Variants in ATP1A4 observed in about 807,000 individuals in gnomAD.
The protein encoded by ATP1A4 is sodium/potassium-transporting ATPase subunit alpha-4.
In ATP1A4, 90 loss-of-function variants were observed where a neutral mutation model predicts 114.3. The ratio of observed to expected loss-of-function variants is 0.79; its 90% CI spans 0.66 to 0.94. The LOEUF is 0.94. Ranked by LOEUF, ATP1A4 falls within the 40% of genes least tolerant of loss-of-function variation. ATP1A4 has a pLI of 0.00. For synonymous variants in ATP1A4, 511 were observed against 494.1 expected, an observed-to-expected ratio of 1.03 and a Z score of -0.45; for missense variants, 1,222 against 1,313.6, an observed-to-expected ratio of 0.93 and a Z score of 1.08.
chr1:160,186,409 GC>G, intron 21 of ATP1A4, 42 bp downstream of exon 21: 1 of 1,465,424 alleles, frequency 6.8e-7, no homozygotes. Flanking sequence ...GTGGTCACCA[GC>G]CCCCTCACTA....
chr1:160,180,903 A>G (rs1307726943), intron 18 of ATP1A4, among the ~76,000 whole-genome samples: 2 of 151,144 alleles, frequency 1.3e-5, no homozygotes, highest in East Asian at 1.9e-4. Flanking sequence ...TTTAGTAGAG[A>G]CGGGGTTTCA....
At chr1:160,167,166 T>C (rs1653070832) in intron 9 of ATP1A4, 89 bp downstream of exon 9, 2 of 1,565,204 alleles carry the variant, frequency 1.3e-6, no homozygotes, top group East Asian at 2.3e-5. Flanking sequence ...CTCAGTAATT[T>C]CCCCCCAGGT....
rs1008320527 is a variant in ATP1A4 at position 160,166,781 on chromosome 1, T to G, written c.1246+55T>G. On this transcript the variant is annotated intron_variant, in intron 8 of 21. Coordinates refer to ENST00000368081, the MANE Select transcript of ATP1A4 (RefSeq NM_144699.4). The stretch of plus-strand genomic sequence containing the variant: ...GGAGGGATTTGGGGGATGTGATGAG[T>G]GAGCTGAGAGAGAATGGTGAGTCCA... The G allele has an allele frequency of 5.4e-5, 87 of 1,606,982 alleles. 2 individuals are homozygous for G. In the Admixed American group the frequency reaches 1.2e-3, roughly 22 times the overall value.
chr1:160,171,076 A>C, intron 10 of ATP1A4, 175 bp from the exon 11 acceptor site: 1 of 542,518 alleles, frequency 1.8e-6, no homozygotes, highest in Non-Finnish European at 3.2e-6. Context: ...AGTTTTCTGG[A>C]AAAAGGAGGA....
intron 6 of ATP1A4, among the ~76,000 whole-genome samples, chr1:160,160,339 C>A (rs1558018549): frequency 6.6e-6 from 1 of 152,176 alleles, no homozygotes; most frequent in Non-Finnish European, 1.5e-5. Context: ...GCCTCAGCCT[C>A]CCGAGTAGCT....
At chr1:160,154,056 T>C (rs753808221) in intron 2 of ATP1A4, among the ~76,000 whole-genome samples, 89 of 152,174 alleles carry the variant, frequency 5.8e-4, no homozygotes, top group Non-Finnish European at 9.3e-4. Context: ...TTTGTTAGTA[T>C]TCTTTTCTAT....
intron 10 of ATP1A4, among the ~76,000 whole-genome samples, chr1:160,169,222 C>T (rs1056322735): frequency 2.6e-5 from 4 of 152,226 alleles, no homozygotes; most frequent in African/African-American, 9.6e-5. Flanking sequence ...CAAGAGACAT[C>T]TCAGACTGCT....
chr1:160,174,965 T>C (rs1653410139), intron 15 of ATP1A4, among the ~76,000 whole-genome samples: 1 of 152,162 alleles, frequency 6.6e-6, no homozygotes, highest in African/African-American at 2.4e-5. Context: ...GAAAAGTCCC[T>C]TTTATTCATT....
intron 3 of ATP1A4, among the ~76,000 whole-genome samples, chr1:160,155,510 A>G (rs1426530688): frequency 6.6e-6 from 1 of 152,206 alleles, no homozygotes; most frequent in Non-Finnish European, 1.5e-5. Context: ...ATAAATGTAC[A>G]TTACATAATA....
At chr1:160,185,714 T>G (rs1238709784) in intron 20 of ATP1A4, among the ~76,000 whole-genome samples, 2 of 151,078 alleles carry the variant, frequency 1.3e-5, no homozygotes, top group African/African-American at 2.4e-5. Flanking sequence ...AGGTCTGGAG[T>G]TCGAGACCAT....
At chr1:160,162,982 GA>G (rs1360618004) in intron 6 of ATP1A4, among the ~76,000 whole-genome samples, 4 of 152,172 alleles carry the variant, frequency 2.6e-5, no homozygotes, top group African/African-American at 9.7e-5. Context: ...TTTCAGACTA[GA>G]AGACCTTTAT....
Position 160,155,037 on chromosome 1 carries a change from C to T in ATP1A4, c.208-8C>T. ...CTCTCTATCCAACCCTATTTCTTCT[C>T]TGCACAGGGCCATAGCCACCAAAGG... On this transcript the variant is annotated splice_polypyrimidine_tract_variant and splice_region_variant and intron_variant, in intron 2 of 21. Transcript: ENST00000368081. 2 of 1,612,822 alleles carry T rather than the reference C, an allele frequency of 1.2e-6. No individual in the cohort carries two copies. Among genetic ancestry groups the T allele is most frequent in the Non-Finnish European group, 1.7e-6 (2 of 1,179,334 alleles).
chr1:160,180,330 G>A (rs1310217794), intron 18 of ATP1A4, among the ~76,000 whole-genome samples: 14 of 152,104 alleles, frequency 9.2e-5, no homozygotes, highest in African/African-American at 1.7e-4. Context: ...ATTATTGTGC[G>A]GTCCTACCTG....
At position 160,152,156 on chromosome 1, in the gene ATP1A4, A is replaced by G; in HGVS notation, c.116A>G (p.Asn39Ser). The change falls in exon 1 of 22, where the codon AAT becomes AGT. Residue 39 changes from asparagine to serine, a missense_variant. Asn to Ser is a conservative substitution (Grantham distance 46). Coordinates refer to ENST00000368081, the MANE Select transcript of ATP1A4 (RefSeq NM_144699.4). ...KMVKREKQKR[N>S]MEELKKEVVM... ...GTGAAGAGGGAAAAACAGAAGCGCA[A>G]TATGGAGGAACTGAAGAAGGAAGTG... 6.2e-7 allele frequency: 1 copy of G among 1,614,010 alleles called. No homozygotes were observed. The highest frequency in any genetic ancestry group is 1.7e-5 in the Admixed American group (1 of 60,014).
At chr1:160,179,523 C>T (rs535475942) in intron 18 of ATP1A4, among the ~76,000 whole-genome samples, 127 of 152,286 alleles carry the variant, frequency 8.3e-4, no homozygotes, top group East Asian at 5.8e-4. Context: ...AAGGCGTGTC[C>T]GTGTCTCTTC....
chr1:160,167,448 G>A, intron 10 of ATP1A4, 36 bp downstream of exon 10: 2 of 1,607,068 alleles, frequency 1.2e-6, no homozygotes, highest in South Asian at 1.1e-5. Flanking sequence ...ATGGTGGTGG[G>A]GGGATGGGCT....
rs190219699 is a variant in ATP1A4 at position 160,174,021 on chromosome 1, A to C, written c.1992-90A>C. ...AGTGAGGAGACTAGGTTGAAAGAAGAAGCAATGAAGCTATAGTCAAGATGG... is the reference window on the plus strand; with the variant it reads ...AGTGAGGAGACTAGGTTGAAAGAAGCAGCAATGAAGCTATAGTCAAGATGG... On this transcript the variant is annotated intron_variant, in intron 13 of 21. Coordinates refer to ENST00000368081, the MANE Select transcript of ATP1A4 (RefSeq NM_144699.4). 341 of 1,457,734 alleles carry C rather than the reference A, an allele frequency of 2.3e-4. 5 individuals carry two copies. In the Middle Eastern group the frequency reaches 4.7e-3, roughly 20 times the overall value. 90.3% of individuals were successfully genotyped at this position (1,457,734 alleles called of 1,614,324 possible). A position where few individuals can be genotyped will look rare whatever the true frequency, so the allele number is the denominator to read the frequency against.
chr1:160,167,442 T>C, intron 10 of ATP1A4, 30 bp downstream of exon 10: 1 of 1,607,982 alleles, frequency 6.2e-7, no homozygotes, highest in Non-Finnish European at 8.5e-7. Context: ...AGGAGAATGG[T>C]GGTGGGGGGA....
chr1:160,151,988 C>G lies in ATP1A4; in HGVS notation c.-53C>G. 1 of 1,577,656 alleles carries G rather than the reference C, an allele frequency of 6.3e-7. No individual in the cohort carries two copies. Among genetic ancestry groups the G allele is most frequent in the Non-Finnish European group, 8.6e-7 (1 of 1,163,118 alleles). On this transcript the variant is annotated 5_prime_UTR_variant, in exon 1 of 22. Coordinates refer to ENST00000368081, the MANE Select transcript of ATP1A4 (RefSeq NM_144699.4). ...CCTCTTCCCTTCCCCTTGCCTCACT[C>G]TCTCAGCTTTCTTCCCACAGTTGAG...
Sources: allele counts gnomAD v4.1 joint callset (sites outside exome capture counted in the v4.1 genomes callset), GRCh38; gene constraint gnomAD v4.1.1; transcripts MANE v1.5; gene names NCBI Gene and HGNC (gene_info 2026-07-23, HGNC 2026-07-21).